KIF21A: variants seen among roughly 807,000 people sequenced by gnomAD.
KIF21A encodes the protein kinesin family member 21A.
KIF21A carries 114 observed loss-of-function variants against 202.9 expected under a neutral mutation model. The ratio of observed to expected loss-of-function variants is 0.56; its 90% CI spans 0.48 to 0.66. The LOEUF (loss-of-function observed/expected upper bound fraction) is 0.66. KIF21A is among the 30% of genes least tolerant of loss of function. The pLI is 0.00. For synonymous variants in KIF21A, 667 were observed against 670.8 expected, an observed-to-expected ratio of 0.99 and a Z score of 0.09; for missense variants, 1,677 against 1,994.9, an observed-to-expected ratio of 0.84 and a Z score of 3.04.
In KIF21A at chr12:39,293,644, A is replaced by G. The variant is rs1942040778; in HGVS notation, c.*780T>C. On this transcript the variant is annotated 3_prime_UTR_variant, in exon 38 of 38. Coordinates refer to ENST00000361418, the MANE Select transcript of KIF21A (RefSeq NM_001173464.2). ...AAAAACAAAATTAAATGGTCATAAT[A>G]GAAACAACTCCATAGGAAAATAGAT... is the stretch of plus-strand genomic sequence containing the variant. 1 of 152,530 alleles carries G rather than the reference A, an allele frequency of 6.6e-6. No individual in the cohort carries two copies. Among genetic ancestry groups the G allele is most frequent in the African/African-American group, 2.4e-5 (1 of 41,450 alleles). 9.4% of individuals were successfully genotyped at this position (152,530 alleles called of 1,614,324 possible).
intron 1 of KIF21A, among the ~76,000 whole-genome samples, chr12:39,411,917 C>G (rs2140062111): frequency 6.6e-6 from 1 of 152,214 alleles, no homozygotes; most frequent in African/African-American, 2.4e-5. Flanking sequence ...TCACTGCAAC[C>G]TCCACCTCCT....
intron 1 of KIF21A, among the ~76,000 whole-genome samples, chr12:39,375,207 C>T (rs1950195240): frequency 1.3e-5 from 2 of 152,038 alleles, no homozygotes; most frequent in Admixed American, 1.3e-4. Context: ...TTTGAGATGT[C>T]CTAAATAAAA....
chr12:39,423,207 G>T (rs762540744), intron 1 of KIF21A, among the ~76,000 whole-genome samples: 14 of 152,280 alleles, frequency 9.2e-5, no homozygotes, highest in Middle Eastern at 3.4e-3. Context: ...CTACTGAAGG[G>T]CTCTCAAGTA....
In KIF21A at chr12:39,307,643, T is replaced by C; in HGVS notation, c.4364A>G (p.Asn1455Ser). Residue 1455 changes from asparagine to serine, a missense_variant, in exon 34 of 38, where the codon AAT (asparagine) becomes AGT (serine). Physicochemically the swap from Asn to Ser is conservative, Grantham distance 46. Around this residue, in one of 3 missense-constraint regions of KIF21A, gnomAD observed 705 missense variants for 791.9 expected, o/e 0.89. Transcript: ENST00000361418. ...VAIPSGENQI[N>S]QIALNPTGTF... is the part of the protein sequence containing the mutation. Reference sequence around the variant, plus strand: ...GCCAGTTGGGTTTAGGGCAATTTGATTGATCTGGTTCTCTCCAGAAGGAAT... The same window carrying C: ...GCCAGTTGGGTTTAGGGCAATTTGACTGATCTGGTTCTCTCCAGAAGGAAT... The C allele has an allele frequency of 6.2e-7, 1 of 1,614,102 alleles. No individual in the cohort carries two copies. Among genetic ancestry groups the C allele is most frequent in the South Asian group, 1.1e-5 (1 of 91,084 alleles).
intron 1 of KIF21A, among the ~76,000 whole-genome samples, chr12:39,441,660 T>TA (rs56245570): frequency 0.016 from 586 of 37,788 alleles, 111 homozygotes; most frequent in Middle Eastern, 0.058. Context: ...CCCTGGGTGG[T>TA]AAAAAAAAAA....
At chr12:39,375,040 C>T (rs1319115329) in intron 1 of KIF21A, among the ~76,000 whole-genome samples, 1 of 152,054 alleles carries the variant, frequency 6.6e-6, no homozygotes, top group African/African-American at 2.4e-5. Context: ...ATCATGGGCT[C>T]ATTGCTGTGG....
intron 24 of KIF21A, 114 bp from the exon 25 acceptor site, chr12:39,326,438 G>T: frequency 1.4e-6 from 1 of 732,018 alleles, no homozygotes; most frequent in Non-Finnish European, 2.5e-6. Context: ...GGGCACGATG[G>T]TTTTAGTAGC....
chr12:39,414,098 C>G (rs761687253), intron 1 of KIF21A, among the ~76,000 whole-genome samples: 1 of 152,198 alleles, frequency 6.6e-6, no homozygotes, highest in Non-Finnish European at 1.5e-5. Context: ...GGAAATCTCA[C>G]TTGATTCTTT....
intron 27 of KIF21A, 45 bp downstream of exon 27, chr12:39,322,623 T>C (rs1358144039): frequency 8.9e-6 from 13 of 1,464,288 alleles, no homozygotes; most frequent in Non-Finnish European, 1.2e-5. Flanking sequence ...ACTTTTTTTT[T>C]TAAAGCCAAA....
rs1452723005 is a variant in KIF21A at position 39,351,915 on chromosome 12, G to C, written c.1535C>G (p.Ala512Gly). 1 of 1,613,236 alleles carries C rather than the reference G, an allele frequency of 6.2e-7. No individual in the cohort carries two copies. The highest frequency in any genetic ancestry group is 1.7e-5 in the Admixed American group (1 of 59,954). ...NLRKNLTRAT[A>G]RAPYFSGSST... ...TGATCCGCTGAAATATGGCGCTCTT[G>C]CTGTGGCTCTTGTCAAGTTTTTTCG... is the stretch of plus-strand genomic sequence containing the variant. Residue 512 changes from alanine (A) to glycine (G), a missense_variant, in exon 11 of 38, where the codon GCA becomes GGA. Coordinates refer to ENST00000361418, the MANE Select transcript of KIF21A (RefSeq NM_001173464.2).
intron 35 of KIF21A, among the ~76,000 whole-genome samples, chr12:39,303,740 T>G (rs574089582): frequency 6.6e-6 from 1 of 152,308 alleles, no homozygotes; most frequent in East Asian, 1.9e-4. Context: ...TAATGACTAT[T>G]AGGTAACTCT....
At chr12:39,362,381 A>C (rs1442210427) in intron 7 of KIF21A, among the ~76,000 whole-genome samples, 1 of 152,246 alleles carries the variant, frequency 6.6e-6, no homozygotes, top group Non-Finnish European at 1.5e-5. Context: ...CAAACACTGT[A>C]AAATAGATTC....
rs12313238 is a variant in KIF21A, at chr12:39,333,759, A to G, written c.2419-479T>C. Among the ~76,000 whole-genome samples, 76 of 152,236 alleles carry G rather than the reference A, an allele frequency of 5.0e-4. 1 individual carries two copies. The highest frequency in any genetic ancestry group is 1.7e-3 in the African/African-American group (69 of 41,556). ...TGATTAGTACTTATAATAACTATGG[A>G]TCTTATGGTGGATAAAGTAAATGGA... On this transcript the variant is annotated intron_variant, in intron 17 of 37. Coordinates refer to ENST00000361418, the MANE Select transcript of KIF21A (RefSeq NM_001173464.2).
At chr12:39,353,375 G>A (rs953929559) in intron 10 of KIF21A, among the ~76,000 whole-genome samples, 4 of 152,078 alleles carry the variant, frequency 2.6e-5, no homozygotes, top group African/African-American at 4.8e-5. Context: ...TACCATATGC[G>A]AGCAGAACAA....
chr12:39,330,305 A>G (rs774082283), intron 23 of KIF21A, 43 bp from the exon 24 acceptor site: 2 of 1,574,480 alleles, frequency 1.3e-6, no homozygotes, highest in Admixed American at 3.3e-5. Flanking sequence ...GCAATACTCC[A>G]ATCAAAACAG....
intron 1 of KIF21A, among the ~76,000 whole-genome samples, chr12:39,375,748 G>T (rs1032954792): frequency 3.9e-5 from 6 of 152,082 alleles, no homozygotes; most frequent in African/African-American, 1.4e-4. Flanking sequence ...TAATGGGTTA[G>T]CTTGTTAGCT....
intron 1 of KIF21A, among the ~76,000 whole-genome samples, chr12:39,398,021 T>C (rs1951884321): frequency 6.6e-6 from 1 of 152,220 alleles, no homozygotes; most frequent in African/African-American, 2.4e-5. Flanking sequence ...CAGGGGCTCT[T>C]CTATAACCAC....
rs185330085 is a variant in KIF21A, at chr12:39,368,030, G to A, written c.453C>T (p.Leu151=). ...DFKVNAQFLE[L]YNEEVLDLFD... ...ATAAGTCAAGGACCTCTTCATTATA[G>A]AGCTATCAAAAAAATATTAGAAATC... The change falls in exon 4 of 38, where the codon CTC becomes CTT. Residue 151 remains leucine (L), a splice_region_variant and synonymous_variant. Transcript: ENST00000361418. 6.3e-7 allele frequency: 1 copy of A among 1,575,338 alleles called. No individual in the cohort carries two copies. Among genetic ancestry groups the A allele is most frequent in the South Asian group, 1.1e-5 (1 of 90,000 alleles).
In KIF21A at chr12:39,442,973, T is replaced by C. The variant is rs1939874260; in HGVS notation, c.-3A>G. Reference sequence around the variant, plus strand: ...CTCTCGTCCGGGGCGCCCAACATGCTGGCGGCGGGCAGCGATCGAGCCGTT... The same window carrying C: ...CTCTCGTCCGGGGCGCCCAACATGCCGGCGGCGGGCAGCGATCGAGCCGTT... On this transcript the variant is annotated 5_prime_UTR_variant, in exon 1 of 38. Coordinates refer to ENST00000361418, the MANE Select transcript of KIF21A (RefSeq NM_001173464.2). The surrounding 1 kb of genome is among the most constrained non-coding windows in gnomAD (Gnocchi z 5.0). The C allele has an allele frequency of 6.6e-7, 1 of 1,520,032 alleles. No homozygotes were observed. The highest frequency in any genetic ancestry group is 8.8e-7 in the Non-Finnish European group (1 of 1,141,314). 94.2% of individuals were successfully genotyped at this position (1,520,032 alleles called of 1,614,324 possible). A position where few individuals can be genotyped will look rare whatever the true frequency, so the allele number is the denominator to read the frequency against.
Sources: gnomAD v4.1 joint callset for allele counts (sites outside exome capture counted in the v4.1 genomes callset) on GRCh38, gnomAD v4.1.1 for gene constraint, gnomAD v4.1.1 regional missense constraint, Gnocchi (gnomAD v3.1) non-coding constraint, MANE v1.5 for transcripts, NCBI Gene and HGNC (gene_info 2026-07-23, HGNC 2026-07-21) for gene names.